The following PPFIBP2 variants were observed in gnomAD, a reference collection of about 807,000 sequenced individuals.
PPFIBP2 encodes the protein PPFIB scaffold protein 2, also known as liprin-beta-2.
Under a neutral mutation model 118.3 loss-of-function variants are expected in PPFIBP2, and 118 were observed. The ratio of observed to expected loss-of-function variants is 1.00; its 90% CI spans 0.86 to 1.16. PPFIBP2 has a LOEUF of 1.16. PPFIBP2 is among the 50% of genes most tolerant of loss of function. PPFIBP2 has a pLI of 0.00. For synonymous variants in PPFIBP2, 414 were observed against 397.4 expected, an observed-to-expected ratio of 1.04 and a Z score of -0.50; for missense variants, 1,195 against 1,073.1, an observed-to-expected ratio of 1.11 and a Z score of -1.59.
At chr11:7,556,631 C>T (rs951731393) in intron 2 of PPFIBP2, among the ~76,000 whole-genome samples, 1 of 152,140 alleles carries the variant, frequency 6.6e-6, no homozygotes, top group Admixed American at 6.5e-5. Context: ...ATTCTTTCAT[C>T]CTGCTTTTTT....
At chr11:7,587,810 G>A (rs553745254) in intron 3 of PPFIBP2, among the ~76,000 whole-genome samples, 2 of 152,222 alleles carry the variant, frequency 1.3e-5, no homozygotes, top group Non-Finnish European at 2.9e-5. Context: ...GCAGGGAGAT[G>A]AGGATCTTTC....
At chr11:7,538,928 T>C (rs906815998) in intron 1 of PPFIBP2, among the ~76,000 whole-genome samples, 3 of 152,160 alleles carry the variant, frequency 2.0e-5, no homozygotes, top group African/African-American at 7.2e-5. Flanking sequence ...GATGTTTAGG[T>C]TGAAACAAGG....
At position 7,653,627 on chromosome 11, in the gene PPFIBP2, CCA is replaced by C. The variant is rs1213914004; in HGVS notation, c.*412_*413del. 12 of 1,295,042 alleles carry C rather than the reference CCA, an allele frequency of 9.3e-6. 2 individuals are homozygous for C. The South Asian group carries it at 1.4e-4, about 15-fold the overall frequency. The allele number at this position is 1,295,042 out of a possible 1,614,324, so 80.2% of individuals were successfully genotyped here. On this transcript the variant is annotated 3_prime_UTR_variant, in exon 24 of 24. Transcript: ENST00000299492. The stretch of plus-strand genomic sequence containing the variant: ...AGCTCAAGTGCCTTAGGCCCGTGGA[CCA>C]CAGTCTTGGCTGAGATCAAAGGGAT...
chr11:7,655,935 C>A (rs1337104686), downstream of PPFIBP2, among the ~76,000 whole-genome samples: 1 of 152,146 alleles, frequency 6.6e-6, no homozygotes, highest in East Asian at 1.9e-4. Context: ...GTGGGTATCA[C>A]AGAGTGTTGA....
intron 14 of PPFIBP2, among the ~76,000 whole-genome samples, chr11:7,636,668 A>G (rs1240620649): frequency 6.6e-6 from 1 of 152,250 alleles, no homozygotes; most frequent in East Asian, 1.9e-4. Context: ...CACCCAGCTC[A>G]CAGGCTCAAG....
chr11:7,578,830 T>A (rs957000862), intron 3 of PPFIBP2, among the ~76,000 whole-genome samples: 1 of 151,822 alleles, frequency 6.6e-6, no homozygotes, highest in Admixed American at 6.6e-5. Flanking sequence ...AAATGGGGCA[T>A]AGGGGATGAT....
chr11:7,653,914 C>A, downstream of PPFIBP2: 2 of 713,910 alleles, frequency 2.8e-6, no homozygotes, highest in Non-Finnish European at 3.8e-6. Flanking sequence ...TAGAGCAAGG[C>A]GGGACCCCCT....
intron 7 of PPFIBP2, among the ~76,000 whole-genome samples, chr11:7,622,040 T>A (rs1165932813): frequency 6.6e-6 from 1 of 152,244 alleles, no homozygotes; most frequent in Non-Finnish European, 1.5e-5. Context: ...TAGGCCATTC[T>A]TGCATTGCTA....
At chr11:7,578,997 T>G in intron 3 of PPFIBP2, among the ~76,000 whole-genome samples, 1 of 151,244 alleles carries the variant, frequency 6.6e-6, no homozygotes, top group African/African-American at 2.4e-5. Context: ...GGCAACCTGG[T>G]TTGTGTGCTG....
chr11:7,525,214 C>T (rs1019036927), intron 1 of PPFIBP2, among the ~76,000 whole-genome samples: 9 of 151,834 alleles, frequency 5.9e-5, no homozygotes, highest in Non-Finnish European at 1.3e-4. Flanking sequence ...AGACAGTCCT[C>T]GATTAAAATA....
chr11:7,640,130 AC>A (rs1011742603), intron 15 of PPFIBP2, among the ~76,000 whole-genome samples: 1 of 150,878 alleles, frequency 6.6e-6, no homozygotes. Flanking sequence ...GCAGCTTTTC[AC>A]CCTTATTTCC....
At chr11:7,639,492 A>G (rs1336808268) in intron 14 of PPFIBP2, among the ~76,000 whole-genome samples, 1 of 152,194 alleles carries the variant, frequency 6.6e-6, no homozygotes, top group Non-Finnish European at 1.5e-5. Context: ...AGTTTCAGTC[A>G]GCCCCAGATT....
At chr11:7,635,031 G>C (rs1246723128) in intron 13 of PPFIBP2, among the ~76,000 whole-genome samples, 2 of 152,206 alleles carry the variant, frequency 1.3e-5, no homozygotes, top group East Asian at 1.9e-4. Flanking sequence ...GTGAGCTGTT[G>C]TAAGAGTCTG....
chr11:7,518,970 G>A (rs1210679760), intron 1 of PPFIBP2, among the ~76,000 whole-genome samples: 1 of 152,156 alleles, frequency 6.6e-6, no homozygotes, highest in African/African-American at 2.4e-5. Flanking sequence ...GACAGATAGG[G>A]GCGTAAGGTG....
chr11:7,522,789 G>A (rs1365402645), intron 1 of PPFIBP2, among the ~76,000 whole-genome samples: 1 of 152,200 alleles, frequency 6.6e-6, no homozygotes, highest in Non-Finnish European at 1.5e-5. Context: ...TGGGGCTGAT[G>A]GGAGATATGA....
intron 7 of PPFIBP2, among the ~76,000 whole-genome samples, chr11:7,624,417 G>A (rs909658617): frequency 7.9e-5 from 12 of 152,340 alleles, no homozygotes; most frequent in Middle Eastern, 3.4e-3. Context: ...CAGTCCATGC[G>A]CTGAAACTGA....
At chr11:7,562,013 A>G (rs1854353230) in intron 2 of PPFIBP2, among the ~76,000 whole-genome samples, 1 of 152,248 alleles carries the variant, frequency 6.6e-6, no homozygotes, top group Non-Finnish European at 1.5e-5. Flanking sequence ...TCTACCTCAG[A>G]TCACCAGGCA....
At chr11:7,537,082 G>A (rs374607858) in intron 1 of PPFIBP2, among the ~76,000 whole-genome samples, 27 of 152,090 alleles carry the variant, frequency 1.8e-4, no homozygotes, top group African/African-American at 6.0e-4. Context: ...CTCCTCCTAC[G>A]TTATTGCTGG....
chr11:7,621,073 T>TG lies in PPFIBP2; in HGVS notation c.711+50dup, dbSNP rs770901487. 21 of 1,462,696 alleles carry TG rather than the reference T, an allele frequency of 1.4e-5. No homozygotes were observed. In the African/African-American group the frequency reaches 2.6e-4, roughly 18 times the overall value. 90.6% of individuals were successfully genotyped at this position (1,462,696 alleles called of 1,614,324 possible). A position where few individuals can be genotyped will look rare whatever the true frequency, so the allele number is the denominator to read the frequency against. On this transcript the variant is annotated intron_variant, in intron 7 of 23. Coordinates refer to ENST00000299492, the MANE Select transcript of PPFIBP2 (RefSeq NM_003621.5). ...TTATGGAGAGAGTATGAGGGCCTTG[T>TG]GGGGAGGGTCTGCATTCCAACTTGG... is the stretch of plus-strand genomic sequence containing the variant.
Sources: gnomAD v4.1 joint callset for allele counts (sites outside exome capture counted in the v4.1 genomes callset) on GRCh38, gnomAD v4.1.1 for gene constraint, MANE v1.5 for transcripts, NCBI Gene and HGNC (gene_info 2026-07-23, HGNC 2026-07-21) for gene names.